Variants in CSMD3 observed in about 807,000 individuals in gnomAD.
CSMD3 encodes CUB and Sushi multiple domains 3.
In CSMD3, 177 loss-of-function variants were observed where a neutral mutation model predicts 435.2. That is an observed-to-expected ratio of 0.41 (90% CI 0.36 to 0.46). The LOEUF is 0.46. Ranked by LOEUF, CSMD3 falls within the 20% of genes least tolerant of loss-of-function variation. The probability of loss-of-function intolerance (pLI) is 0.34; values close to 1 mark genes in which losing one functional copy is unlikely to be tolerated. For missense variants in CSMD3, 4,265 were observed against 4,504.6 expected (o/e 0.95, Z 1.52); for synonymous variants, 1,656 against 1,520.5 (o/e 1.09, Z -2.07).
intron 45 of CSMD3, among the ~76,000 whole-genome samples, chr8:112,325,832 GC>G (rs1823456912): frequency 6.6e-6 from 1 of 151,954 alleles, no homozygotes; most frequent in Non-Finnish European, 1.5e-5. Context: ...TTTCTGCTTT[GC>G]TTTCCTCATT....
At chr8:112,511,270 C>T (rs921205175) in intron 28 of CSMD3, among the ~76,000 whole-genome samples, 6 of 152,074 alleles carry the variant, frequency 3.9e-5, no homozygotes, top group African/African-American at 1.4e-4. Flanking sequence ...TCTGAGTCTT[C>T]AGTGAGTCAT....
intron 38 of CSMD3, among the ~76,000 whole-genome samples, chr8:112,363,002 G>A (rs1048546775): frequency 7.2e-5 from 11 of 151,984 alleles, no homozygotes; most frequent in Non-Finnish European, 1.3e-4. Context: ...ACTGTGAACA[G>A]TCCTGAAATC....
At chr8:112,574,955 T>C (rs547309331) in intron 23 of CSMD3, among the ~76,000 whole-genome samples, 12 of 152,084 alleles carry the variant, frequency 7.9e-5, no homozygotes, top group East Asian at 3.9e-4. Context: ...CATAATTACA[T>C]TGATGTCACC....
At chr8:112,651,073 A>G (rs1443938532) in intron 18 of CSMD3, among the ~76,000 whole-genome samples, 3 of 152,184 alleles carry the variant, frequency 2.0e-5, no homozygotes, top group Admixed American at 6.5e-5. Flanking sequence ...TTCTCCAATC[A>G]TGACAATAAC....
intron 7 of CSMD3, among the ~76,000 whole-genome samples, chr8:112,967,727 C>G (rs1310530706): frequency 6.6e-6 from 1 of 151,788 alleles, no homozygotes; most frequent in African/African-American, 2.4e-5. Flanking sequence ...TTTTCTTCCT[C>G]ACTTGAATAT....
intron 13 of CSMD3, among the ~76,000 whole-genome samples, chr8:112,734,898 C>T (rs987701982): frequency 1.3e-5 from 2 of 151,884 alleles, no homozygotes; most frequent in East Asian, 1.9e-4. Context: ...ACTCATTTTT[C>T]TGTACTTTTT....
chr8:112,367,996 G>C (rs1827950374), intron 38 of CSMD3, among the ~76,000 whole-genome samples: 1 of 152,078 alleles, frequency 6.6e-6, no homozygotes. Flanking sequence ...TGTATTATGG[G>C]TGAGATAACT....
intron 5 of CSMD3, among the ~76,000 whole-genome samples, chr8:113,085,084 A>G (rs2089710408): frequency 1.3e-5 from 2 of 152,154 alleles, no homozygotes; most frequent in South Asian, 4.1e-4. Context: ...TACAAAATAA[A>G]CAAATGAGAC....
At chr8:112,871,080 AG>A (rs2081123049) in intron 10 of CSMD3, among the ~76,000 whole-genome samples, 1 of 152,224 alleles carries the variant, frequency 6.6e-6, no homozygotes, top group Admixed American at 6.5e-5. Context: ...AACATTTGAT[AG>A]GATCTCATCT....
At chr8:112,632,717 T>G (rs2131562520) in intron 22 of CSMD3, among the ~76,000 whole-genome samples, 1 of 152,174 alleles carries the variant, frequency 6.6e-6, no homozygotes, top group East Asian at 1.9e-4. Flanking sequence ...TAATGTAAAC[T>G]TTAGAAAAAG....
intron 17 of CSMD3, among the ~76,000 whole-genome samples, chr8:112,659,626 C>A (rs1197325154): frequency 1.3e-5 from 2 of 152,050 alleles, no homozygotes; most frequent in African/African-American, 4.8e-5. Context: ...AAAATGAATA[C>A]CTCTTAGACT....
intron 1 of CSMD3, among the ~76,000 whole-genome samples, chr8:113,354,994 C>A (rs2094212410): frequency 1.3e-5 from 2 of 152,134 alleles, no homozygotes; most frequent in Admixed American, 1.3e-4. Flanking sequence ...AGTATCTTGT[C>A]AAGTCTTCTC....
intron 10 of CSMD3, among the ~76,000 whole-genome samples, chr8:112,866,311 G>T (rs1263782802): frequency 1.3e-5 from 2 of 151,998 alleles, no homozygotes; most frequent in Non-Finnish European, 2.9e-5. Context: ...AACTTAGATA[G>T]TTGTGCTATG....
chr8:112,318,892 C>G lies in CSMD3; in HGVS notation c.7305G>C (p.Leu2435=), dbSNP rs2130860872. The part of the protein sequence containing the change: ...PGFTLVGNAI[L]TCRLGERLQM... ...GCAGTCGTTCTCCTAATCTGCACGT[C>G]AGAATTGCATTACCAACTAAAGTAA... Residue 2435 remains leucine, a synonymous_variant, in exon 47 of 71, where the codon CTG becomes CTC. Transcript: ENST00000297405. The G allele has an allele frequency of 6.2e-7, 1 of 1,612,650 alleles. No individual in the cohort carries two copies. The highest frequency in any genetic ancestry group is 8.5e-7 in the Non-Finnish European group (1 of 1,179,440).
intron 2 of CSMD3, among the ~76,000 whole-genome samples, chr8:113,291,262 C>T (rs1167725483): frequency 6.6e-6 from 1 of 151,686 alleles, no homozygotes; most frequent in East Asian, 1.9e-4. Flanking sequence ...TGCTATAATA[C>T]ATGTGACTTT....
chr8:112,822,210 G>T (rs541541449), intron 12 of CSMD3, among the ~76,000 whole-genome samples: 1 of 152,272 alleles, frequency 6.6e-6, no homozygotes, highest in East Asian at 1.9e-4. Context: ...GTTTGATGGA[G>T]ATAGCATTGA....
rs139482857 is a variant in CSMD3, at chr8:112,311,070, C to T, written c.7793G>A (p.Arg2598Gln). ...GCTTTTTCCAACAAGTCGGAATCCT[C>T]GATCACAGGCCCAACGGACCACACT... The part of the protein sequence containing the change: ...LNSVVRWACD[R>Q]GFRLVGKSSA... Residue 2598 changes from arginine (R) to glutamine (Q), a missense_variant, in exon 50 of 71, where the codon CGA becomes CAA. Around this residue, in one of 3 missense-constraint regions of CSMD3, gnomAD observed 3,255 missense variants for 3,380.2 expected, o/e 0.96. Coordinates refer to ENST00000297405, the MANE Select transcript of CSMD3 (RefSeq NM_198123.2). The T allele has an allele frequency of 1.2e-6, 2 of 1,614,050 alleles. No homozygotes were observed. The highest frequency in any genetic ancestry group is 1.7e-6 in the Non-Finnish European group (2 of 1,179,976).
chr8:112,276,382 T>C (rs1818045851), intron 59 of CSMD3, among the ~76,000 whole-genome samples: 2 of 152,174 alleles, frequency 1.3e-5, no homozygotes, highest in East Asian at 1.9e-4. Context: ...TTCTGGAGTA[T>C]GAAGGACAGT....
intron 13 of CSMD3, among the ~76,000 whole-genome samples, chr8:112,739,594 CTTT>C (rs1285328592): frequency 2.0e-5 from 3 of 151,756 alleles, no homozygotes; most frequent in South Asian, 2.1e-4. Context: ...CTTTTAACTT[CTTT>C]GAGTAGAAAT....
Sources: allele counts gnomAD v4.1 joint callset (sites outside exome capture counted in the v4.1 genomes callset), GRCh38; gene constraint gnomAD v4.1.1; regional missense constraint gnomAD v4.1.1; transcripts MANE v1.5; gene names NCBI Gene and HGNC (gene_info 2026-07-23, HGNC 2026-07-21).